The following HDGFL3 variants were observed in gnomAD, a reference collection of about 807,000 sequenced individuals.
The protein encoded by HDGFL3 is hepatoma-derived growth factor-related protein 3.
A neutral mutation model predicts 27.6 loss-of-function variants in HDGFL3; 6 were observed. The observed-to-expected ratio is 0.22, with a 90% CI of 0.12 to 0.43. The LOEUF (loss-of-function observed/expected upper bound fraction) is 0.43, where lower values mean the gene tolerates loss of function less well. Ranked by LOEUF, HDGFL3 falls within the 20% of genes least tolerant of loss-of-function variation. The probability of loss-of-function intolerance (pLI) is 1.00; values close to 1 mark genes in which losing one functional copy is unlikely to be tolerated. For missense variants in HDGFL3, 207 were observed against 250.1 expected, an observed-to-expected ratio of 0.83 and a Z score of 1.16; for synonymous variants, 88 against 88.9, an observed-to-expected ratio of 0.99 and a Z score of 0.05.
At chr15:83,141,748 C>T (rs2036776013) in intron 5 of HDGFL3, among the ~76,000 whole-genome samples, 1 of 152,000 alleles carries the variant, frequency 6.6e-6, no homozygotes, top group Admixed American at 6.6e-5. Flanking sequence ...CAAACTTGGC[C>T]CCAATACTTA....
At chr15:83,171,357 T>G (rs76641903) in intron 1 of HDGFL3, among the ~76,000 whole-genome samples, 10 of 152,210 alleles carry the variant, frequency 6.6e-5, no homozygotes, top group Admixed American at 5.2e-4. Flanking sequence ...AACTTATGAA[T>G]AGAACTACCA....
intron 1 of HDGFL3, among the ~76,000 whole-genome samples, chr15:83,180,622 T>C (rs1433039736): frequency 6.6e-6 from 1 of 150,610 alleles, no homozygotes; most frequent in Non-Finnish European, 1.5e-5. Flanking sequence ...CTGTTTGGTT[T>C]AATAAACATG....
chr15:83,183,751 C>G (rs1174023459), intron 1 of HDGFL3, among the ~76,000 whole-genome samples: 1 of 144,006 alleles, frequency 6.9e-6, no homozygotes, highest in African/African-American at 2.8e-5. Flanking sequence ...GAGTGAGACT[C>G]CATCTCAAAA....
downstream of HDGFL3, chr15:83,124,548 AT>A: frequency 1.4e-6 from 1 of 707,028 alleles, no homozygotes. Context: ...ATGGCCAGTG[AT>A]TTATGATATA....
intron 1 of HDGFL3, among the ~76,000 whole-genome samples, chr15:83,164,872 C>T (rs1164526683): frequency 6.6e-6 from 1 of 152,188 alleles, no homozygotes; most frequent in Non-Finnish European, 1.5e-5. Context: ...TCACTTTTCT[C>T]TCCTCATGCC....
intron 1 of HDGFL3, among the ~76,000 whole-genome samples, chr15:83,199,664 G>C (rs1458205167): frequency 6.6e-6 from 1 of 152,152 alleles, no homozygotes; most frequent in Non-Finnish European, 1.5e-5. Flanking sequence ...GAGAAGAATA[G>C]TTTATTCTTA....
intron 2 of HDGFL3, among the ~76,000 whole-genome samples, chr15:83,160,407 G>C (rs1050537324): frequency 2.0e-5 from 3 of 152,044 alleles, no homozygotes; most frequent in African/African-American, 7.2e-5. Flanking sequence ...GGATGGTTTT[G>C]ATCTCCTGAC....
intron 3 of HDGFL3, chr15:83,119,725 C>T (rs371155615): frequency 8.1e-6 from 13 of 1,611,966 alleles, no homozygotes; most frequent in Middle Eastern, 1.6e-4. Context: ...CCTTAGCAAC[C>T]GATAAGCGGG....
At chr15:83,118,603 C>G (rs1031088764) in intron 3 of HDGFL3, among the ~76,000 whole-genome samples, 1 of 152,176 alleles carries the variant, frequency 6.6e-6, no homozygotes, top group Admixed American at 6.5e-5. Context: ...ACAGAGCAGT[C>G]CTTGCCCCAG....
intron 5 of HDGFL3, among the ~76,000 whole-genome samples, chr15:83,149,886 G>A (rs2036943079): frequency 6.6e-6 from 1 of 152,228 alleles, no homozygotes; most frequent in African/African-American, 2.4e-5. Flanking sequence ...AGAAGGGGAC[G>A]AATGACTGGG....
chr15:83,147,094 C>T (rs763196200), intron 5 of HDGFL3, among the ~76,000 whole-genome samples: 19 of 151,546 alleles, frequency 1.3e-4, no homozygotes, highest in African/African-American at 4.4e-4. Context: ...GACAGAATCT[C>T]GCTCTGTCAC....
chr15:83,195,808 A>G (rs2151421416), intron 1 of HDGFL3, among the ~76,000 whole-genome samples: 1 of 152,240 alleles, frequency 6.6e-6, no homozygotes, highest in Admixed American at 6.5e-5. Context: ...AATGGTTAAA[A>G]AAATTAAGTT....
chr15:83,144,396 T>C (rs2036849363), intron 5 of HDGFL3: 1 of 456,028 alleles, frequency 2.2e-6, no homozygotes, highest in South Asian at 1.5e-5. Context: ...ACCTAGTGAC[T>C]TGCTTGTAAT....
At position 83,143,507 on chromosome 15, in the gene HDGFL3, A is replaced by G. The variant is rs866606237; in HGVS notation, c.607-4232T>C. Among the ~76,000 whole-genome samples, 22 of 152,234 alleles carry G rather than the reference A, an allele frequency of 1.4e-4. 1 individual carries two copies. The South Asian group carries it at 3.3e-3, about 23-fold the overall frequency. On this transcript the variant is annotated intron_variant, in intron 5 of 5. Transcript: ENST00000299633. ...TGAGGCAGGAGGATCGCTTGAACCC[A>G]GGAGGCGGAGGTTGCAGTGAGCTAA... is the stretch of plus-strand genomic sequence containing the variant.
At chr15:83,167,235 C>T (rs377371846) in intron 1 of HDGFL3, among the ~76,000 whole-genome samples, 27 of 152,110 alleles carry the variant, frequency 1.8e-4, no homozygotes, top group African/African-American at 6.3e-4. Context: ...TTAGATAAAA[C>T]AGACTTTACG....
Position 83,113,313 on chromosome 15 carries a change from C to A in HDGFL3, c.*2396G>T, listed in dbSNP as rs8041022. 5 of 207,360 alleles carry A rather than the reference C, an allele frequency of 2.4e-5. No homozygotes were observed. The Admixed American group carries it at 2.6e-4, about 11-fold the overall frequency. 12.8% of individuals were successfully genotyped at this position (207,360 alleles called of 1,614,324 possible). On this transcript the variant is annotated 3_prime_UTR_variant, in exon 4 of 4. Transcript: ENST00000568294. ...ATGCATGAAGAGGAAAATAATGGAA[C>A]CTGCCATAGAGACAAGCACCTATAG...
intron 1 of HDGFL3, among the ~76,000 whole-genome samples, chr15:83,190,134 A>G (rs1024230230): frequency 6.7e-6 from 1 of 148,380 alleles, no homozygotes; most frequent in Admixed American, 6.9e-5. Context: ...GGATTGCTTG[A>G]GCTTGGGAGC....
At chr15:83,174,302 T>C (rs916865073) in intron 1 of HDGFL3, among the ~76,000 whole-genome samples, 2 of 152,288 alleles carry the variant, frequency 1.3e-5, no homozygotes, top group South Asian at 4.1e-4. Flanking sequence ...CTGAATCCTG[T>C]CAATTTAACC....
At chr15:83,186,718 T>C (rs541405120) in intron 1 of HDGFL3, among the ~76,000 whole-genome samples, 1 of 151,444 alleles carries the variant, frequency 6.6e-6, no homozygotes, top group African/African-American at 2.4e-5. Flanking sequence ...TAATGGACAC[T>C]GGAGATTCAG....
Sources: allele counts gnomAD v4.1 joint callset (sites outside exome capture counted in the v4.1 genomes callset), GRCh38; gene constraint gnomAD v4.1.1; transcripts MANE v1.5; gene names NCBI Gene and HGNC (gene_info 2026-07-23, HGNC 2026-07-21).